PGM5: variants seen among roughly 807,000 people sequenced by gnomAD.
PGM5 encodes the protein phosphoglucomutase 5.
In PGM5, 23 loss-of-function variants were observed where a neutral mutation model predicts 59.2. That is an observed-to-expected ratio of 0.39 (90% CI 0.28 to 0.55). The LOEUF (loss-of-function observed/expected upper bound fraction) is 0.55, where lower values mean the gene tolerates loss of function less well. PGM5 is among the 20% of genes least tolerant of loss of function. PGM5 has a pLI of 0.66. For missense variants in PGM5, 574 were observed against 748.3 expected (o/e 0.77, Z 2.72); for synonymous variants, 214 against 286.0 (o/e 0.75, Z 2.54).
At chr9:68,457,066 G>C (rs1587816264) in intron 6 of PGM5, among the ~76,000 whole-genome samples, 1 of 152,086 alleles carries the variant, frequency 6.6e-6, no homozygotes, top group African/African-American at 2.4e-5. Context: ...GGTCATCTGA[G>C]TTTTTCTTAT....
At chr9:68,518,384 A>C (rs921462341) in intron 10 of PGM5, among the ~76,000 whole-genome samples, 1 of 152,234 alleles carries the variant, frequency 6.6e-6, no homozygotes, top group Non-Finnish European at 1.5e-5. Flanking sequence ...AAAGATTATA[A>C]AGCACTTGGA....
At chr9:68,456,043 C>A (rs569563903) in intron 6 of PGM5, among the ~76,000 whole-genome samples, 32 of 152,228 alleles carry the variant, frequency 2.1e-4, no homozygotes, top group African/African-American at 7.5e-4. Context: ...AGCTCTATTT[C>A]TCTTTCACAT....
At chr9:68,479,335 C>A in intron 7 of PGM5, 83 bp from the exon 8 acceptor site, 1 of 1,257,410 alleles carries the variant, frequency 8.0e-7, no homozygotes, top group Non-Finnish European at 1.1e-6. Context: ...AACATTCAAT[C>A]ACTAACTGGT....
intron 10 of PGM5, among the ~76,000 whole-genome samples, chr9:68,523,767 C>T (rs1210622446): frequency 3.9e-5 from 6 of 152,180 alleles, no homozygotes; most frequent in African/African-American, 1.4e-4. Context: ...AATCCTTCCC[C>T]GACTGTACAA....
intron 6 of PGM5, among the ~76,000 whole-genome samples, chr9:68,429,529 C>T (rs1029511311): frequency 6.6e-6 from 1 of 152,170 alleles, no homozygotes; most frequent in Non-Finnish European, 1.5e-5. Context: ...AGGAAGTGCT[C>T]ATTACTCTTA....
At chr9:68,499,965 C>T (rs1824545189) in intron 10 of PGM5, among the ~76,000 whole-genome samples, 1 of 152,196 alleles carries the variant, frequency 6.6e-6, no homozygotes, top group South Asian at 2.1e-4. Flanking sequence ...AGCCTCTCCA[C>T]TCCCACATTC....
intron 1 of PGM5, among the ~76,000 whole-genome samples, chr9:68,365,936 A>C (rs1456081954): frequency 1.3e-5 from 2 of 152,190 alleles, no homozygotes; most frequent in African/African-American, 4.8e-5. Context: ...AATTCAAACA[A>C]TTCAATACAA....
At chr9:68,511,987 G>A (rs1158297382) in intron 10 of PGM5, among the ~76,000 whole-genome samples, 1 of 152,134 alleles carries the variant, frequency 6.6e-6, no homozygotes, top group Admixed American at 6.5e-5. Flanking sequence ...CATTTTAGAT[G>A]TACCATGCTT....
chr9:68,369,204 G>T (rs1450565978), intron 1 of PGM5, among the ~76,000 whole-genome samples: 1 of 152,036 alleles, frequency 6.6e-6, no homozygotes, highest in Non-Finnish European at 1.5e-5. Context: ...TGTGCTACTT[G>T]CTTACATCCT....
chr9:68,449,650 T>C (rs373426928), intron 6 of PGM5, among the ~76,000 whole-genome samples: 1 of 152,120 alleles, frequency 6.6e-6, no homozygotes, highest in African/African-American at 2.4e-5. Context: ...TATGAGCACG[T>C]GAAGGCTTGT....
At position 68,484,861 on chromosome 9, in the gene PGM5, C is replaced by T. The variant is rs367751589; in HGVS notation, c.1479+813C>T. 5.3e-5 allele frequency among the ~76,000 whole-genome samples: 8 copies of T among 152,248 alleles called. No homozygotes were observed. The South Asian group carries it at 1.5e-3, about 28-fold the overall frequency. On this transcript the variant is annotated intron_variant, in intron 9 of 10. Coordinates refer to ENST00000396396, the MANE Select transcript of PGM5 (RefSeq NM_021965.4). ...AGCTCAGCTGGCATCTTTGAGCCCC[C>T]GTGCCCTGGATAGGTCTTTTCCAGT...
chr9:68,391,935 A>C (rs12376981), intron 5 of PGM5, among the ~76,000 whole-genome samples: 1 of 152,184 alleles, frequency 6.6e-6, no homozygotes, highest in Non-Finnish European at 1.5e-5. Context: ...TATGGCATAC[A>C]AAGGTTGTTT....
At chr9:68,504,942 T>C (rs939240574) in intron 10 of PGM5, among the ~76,000 whole-genome samples, 1 of 152,188 alleles carries the variant, frequency 6.6e-6, no homozygotes, top group Admixed American at 6.5e-5. Context: ...AGGATGAATG[T>C]TGGTGCTATC....
chr9:68,432,089 C>G (rs1324995459), intron 6 of PGM5, among the ~76,000 whole-genome samples: 2 of 152,158 alleles, frequency 1.3e-5, no homozygotes, highest in South Asian at 2.1e-4. Context: ...AAAAAAATCC[C>G]TCTTCCTATA....
intron 8 of PGM5, among the ~76,000 whole-genome samples, chr9:68,481,838 A>C (rs1274729884): frequency 3.3e-5 from 5 of 152,252 alleles, no homozygotes; most frequent in African/African-American, 1.2e-4. Context: ...GAAAATACAT[A>C]GAATGAAAGG....
At position 68,463,183 on chromosome 9, in the gene PGM5, T is replaced by G. The variant is rs527328175; in HGVS notation, c.1044-1910T>G. 1.1e-4 allele frequency among the ~76,000 whole-genome samples: 14 copies of G among 128,624 alleles called. No homozygotes were observed. In the East Asian group the frequency reaches 1.5e-3, roughly 14 times the overall value. The allele number at this position is 128,624 out of a possible 152,430, so 84.4% of individuals were successfully genotyped here. ...TTCCCATGGCAAGAGTTTCTAGATG[T>G]TTTTTTTTTTTTTCCTTATTTGACC... On this transcript the variant is annotated intron_variant, in intron 6 of 10. Coordinates refer to ENST00000396396, the MANE Select transcript of PGM5 (RefSeq NM_021965.4).
intron 9 of PGM5, among the ~76,000 whole-genome samples, chr9:68,487,818 A>T (rs1053743625): frequency 2.0e-5 from 3 of 152,218 alleles, no homozygotes; most frequent in Admixed American, 6.5e-5. Flanking sequence ...TGCCATTGTA[A>T]ATCGTGTGAG....
intron 1 of PGM5, among the ~76,000 whole-genome samples, chr9:68,359,678 T>G (rs1235293146): frequency 1.3e-5 from 2 of 152,222 alleles, no homozygotes; most frequent in African/African-American, 4.8e-5. Context: ...CTTTGGTCTT[T>G]TTTGATATCC....
At chr9:68,463,799 A>C (rs1187707511) in intron 6 of PGM5, among the ~76,000 whole-genome samples, 1 of 152,184 alleles carries the variant, frequency 6.6e-6, no homozygotes, top group Non-Finnish European at 1.5e-5. Flanking sequence ...AATGCATTTA[A>C]TGCTGGCAAT....
Sources: allele counts gnomAD v4.1 joint callset (sites outside exome capture counted in the v4.1 genomes callset), GRCh38; gene constraint gnomAD v4.1.1; transcripts MANE v1.5; gene names NCBI Gene and HGNC (gene_info 2026-07-23, HGNC 2026-07-21).